The following NETO2 variants were observed in gnomAD, a reference collection of about 807,000 sequenced individuals.
NETO2 encodes neuropilin and tolloid like 2.
A neutral mutation model predicts 62.5 loss-of-function variants in NETO2; 28 were observed. The ratio of observed to expected loss-of-function variants is 0.45; its 90% confidence interval spans 0.33 to 0.61. The LOEUF is 0.61. Among genes scored for constraint, NETO2 ranks in the 20% least tolerant of loss-of-function variants. NETO2 has a pLI of 0.02. For missense variants in NETO2, 548 were observed against 643.2 expected, an observed-to-expected ratio of 0.85 and a Z score of 1.60; for synonymous variants, 214 against 219.1, an observed-to-expected ratio of 0.98 and a Z score of 0.21.
chr16:47,086,778 T>G (rs1375558364), intron 7 of NETO2, among the ~76,000 whole-genome samples: 1 of 152,164 alleles, frequency 6.6e-6, no homozygotes, highest in Non-Finnish European at 1.5e-5. Flanking sequence ...ATCCAGCAAT[T>G]TTACTTTTAG....
At chr16:47,133,985 T>C (rs1964321001) in intron 1 of NETO2, among the ~76,000 whole-genome samples, 1 of 152,094 alleles carries the variant, frequency 6.6e-6, no homozygotes, top group Non-Finnish European at 1.5e-5. Flanking sequence ...TGCATTACCA[T>C]CTTTGAAGCA....
At chr16:47,133,952 T>C (rs1388467921) in intron 1 of NETO2, among the ~76,000 whole-genome samples, 1 of 152,118 alleles carries the variant, frequency 6.6e-6, no homozygotes, top group Non-Finnish European at 1.5e-5. Flanking sequence ...GAGAGAAGAT[T>C]AGGAAGGAAA....
rs1963030765 is a variant in NETO2, at chr16:47,079,805, TAA to T, written c.*3414_*3415del. 1 of 152,184 alleles carries T rather than the reference TAA, an allele frequency of 6.6e-6. No individual in the cohort carries two copies. The highest frequency in any genetic ancestry group is 2.4e-5 in the African/African-American group (1 of 41,440). The allele number at this position is 152,184 out of a possible 1,614,324, so 9.4% of individuals were successfully genotyped here. Reference sequence around the variant, plus strand: ...GTCATATAATTCATGTCACTTGCAATAAAGTGACATGAACAATATATAGCAGA... The same window carrying T: ...GTCATATAATTCATGTCACTTGCAATAGTGACATGAACAATATATAGCAGA... On this transcript the variant is annotated 3_prime_UTR_variant, in exon 9 of 9. Coordinates refer to ENST00000562435, the MANE Select transcript of NETO2 (RefSeq NM_018092.5).
At chr16:47,116,931 A>G (rs1963935084) in intron 6 of NETO2, among the ~76,000 whole-genome samples, 3 of 152,092 alleles carry the variant, frequency 2.0e-5, no homozygotes, top group Admixed American at 1.3e-4. Context: ...ACTCCTTTTA[A>G]TATTGGTAGG....
intron 7 of NETO2, among the ~76,000 whole-genome samples, chr16:47,096,599 G>T (rs915687851): frequency 1.3e-5 from 2 of 152,164 alleles, no homozygotes; most frequent in Non-Finnish European, 1.5e-5. Context: ...TGAAGCCAAA[G>T]AAAATCTGAA....
At chr16:47,143,089 C>A (rs1222684192) in intron 1 of NETO2, among the ~76,000 whole-genome samples, 1 of 152,014 alleles carries the variant, frequency 6.6e-6, no homozygotes, top group East Asian at 1.9e-4. Context: ...TTCCCCGCCG[C>A]GAGGTGCAGG....
At chr16:47,089,460 G>A (rs747337660) in intron 7 of NETO2, among the ~76,000 whole-genome samples, 11 of 152,164 alleles carry the variant, frequency 7.2e-5, no homozygotes, top group Non-Finnish European at 1.5e-4. Flanking sequence ...AATTTGATGA[G>A]ACTATGCAAT....
chr16:47,122,175 T>C (rs1448130367), intron 6 of NETO2, among the ~76,000 whole-genome samples: 1 of 152,236 alleles, frequency 6.6e-6, no homozygotes, highest in South Asian at 2.1e-4. Context: ...CCTGCAGTTC[T>C]TTCCAATAAA....
rs922335559 is a variant in NETO2, at chr16:47,137,859, T to C, written c.34+5720A>G. Among the ~76,000 whole-genome samples, 16 of 152,262 alleles carry C rather than the reference T, an allele frequency of 1.1e-4. 1 individual carries two copies. The highest frequency in any genetic ancestry group is 9.8e-4 in the Admixed American group (15 of 15,288). Reference sequence around the variant, plus strand: ...CTAACAGTTTAAAACAAGATAGAAATACATTGCTCTGTCATGCGAACAAGC... The same window carrying C: ...CTAACAGTTTAAAACAAGATAGAAACACATTGCTCTGTCATGCGAACAAGC... On this transcript the variant is annotated intron_variant, in intron 1 of 8. Coordinates refer to ENST00000562435, the MANE Select transcript of NETO2 (RefSeq NM_018092.5).
intron 1 of NETO2, among the ~76,000 whole-genome samples, chr16:47,136,853 G>GA (rs201342744): frequency 4.0e-5 from 6 of 151,278 alleles, no homozygotes; most frequent in Admixed American, 6.6e-5. Context: ...ACTAGATTGG[G>GA]AAAAAAAAGG....
chr16:47,139,484 A>G (rs968350117), intron 1 of NETO2, among the ~76,000 whole-genome samples: 3 of 152,214 alleles, frequency 2.0e-5, no homozygotes, highest in African/African-American at 7.2e-5. Flanking sequence ...AGTGGTAAAC[A>G]TAAAGCTTTT....
chr16:47,091,043 T>C (rs1963301199), intron 7 of NETO2, among the ~76,000 whole-genome samples: 1 of 152,184 alleles, frequency 6.6e-6, no homozygotes, highest in African/African-American at 2.4e-5. Flanking sequence ...GTTCAATAAT[T>C]TGAATTAATG....
chr16:47,131,203 C>T (rs527980456), intron 2 of NETO2, among the ~76,000 whole-genome samples: 13 of 152,070 alleles, frequency 8.5e-5, no homozygotes, highest in South Asian at 2.1e-4. Flanking sequence ...ATGCAAGGTA[C>T]GAGAACACTC....
rs1362577601 is a variant in NETO2, at chr16:47,129,311, C to T, written c.145G>A (p.Val49Ile). ...HIPATQCGIWVRTSNGGHFAS... is the reference protein window; with the variant it reads ...HIPATQCGIWIRTSNGGHFAS... Reference sequence around the variant, plus strand: ...AAATGACCTCCATTGCTGGTTCGAACCCAAATGCCACACTGGGTTGCAGGA... The same window carrying T: ...AAATGACCTCCATTGCTGGTTCGAATCCAAATGCCACACTGGGTTGCAGGA... Residue 49 changes from valine (V) to isoleucine (I), a missense_variant, in exon 3 of 9, where the codon GTT becomes ATT. By Grantham distance (29) the Val-to-Ile change is conservative. Transcript: ENST00000562435. The T allele has an allele frequency of 1.9e-6, 3 of 1,613,910 alleles. No homozygotes were observed. Among genetic ancestry groups the T allele is most frequent in the South Asian group, 2.2e-5 (2 of 91,076 alleles).
intron 6 of NETO2, among the ~76,000 whole-genome samples, chr16:47,115,732 C>CATATATATATATATATAT (rs1390345855): frequency 3.5e-4 from 47 of 134,470 alleles, no homozygotes; most frequent in African/African-American, 9.9e-4. Context: ...TATATATATA[C>CATATATATATATATATAT]ATGTATATAT....
intron 6 of NETO2, among the ~76,000 whole-genome samples, chr16:47,110,912 A>T (rs1160766233): frequency 6.6e-6 from 1 of 152,234 alleles, no homozygotes; most frequent in Non-Finnish European, 1.5e-5. Flanking sequence ...GGTTTATTTG[A>T]AATGACTGGT....
At chr16:47,087,908 T>C (rs1243823668) in intron 7 of NETO2, among the ~76,000 whole-genome samples, 1 of 152,202 alleles carries the variant, frequency 6.6e-6, no homozygotes, top group Non-Finnish European at 1.5e-5. Flanking sequence ...ATGTAAACCT[T>C]TGTTAGAATG....
chr16:47,118,265 C>T (rs1034140692), intron 6 of NETO2, among the ~76,000 whole-genome samples: 1 of 152,162 alleles, frequency 6.6e-6, no homozygotes, highest in African/African-American at 2.4e-5. Context: ...GTGTGTGACA[C>T]ACTCAGGGAC....
rs1380992118 is a variant in NETO2 at position 47,109,530 on chromosome 16, C to T, written c.836G>A (p.Gly279Asp). The T allele has an allele frequency of 1.7e-5, 27 of 1,614,010 alleles. No homozygotes were observed. Residue 279 changes from glycine (G) to aspartate (D), a missense_variant, in exon 7 of 9, where the codon GGT becomes GAT. Physicochemically the swap from Gly to Asp is moderately conservative, Grantham distance 94. Transcript: ENST00000562435. ...IGVIRMWADE[G>D]SRLSRFRMLF... ...CATTCGAAACCTGCTAAGCCGACTA[C>T]CTTCATCTGCCCACATTCGAATCAC...
Sources: allele counts gnomAD v4.1 joint callset (sites outside exome capture counted in the v4.1 genomes callset), GRCh38; gene constraint gnomAD v4.1.1; transcripts MANE v1.5; gene names NCBI Gene and HGNC (gene_info 2026-07-23, HGNC 2026-07-21).